Variants in RASAL2 observed in about 807,000 individuals in gnomAD.
RASAL2 encodes the protein RAS protein activator like 2, also known as ras GTPase-activating protein nGAP.
A neutral mutation model predicts 128.9 loss-of-function variants in RASAL2; 58 were observed. The ratio of observed to expected loss-of-function variants is 0.45; its 90% CI spans 0.36 to 0.56. RASAL2 has a LOEUF of 0.56. RASAL2 is among the 20% of genes least tolerant of loss of function. The pLI is 0.00. For synonymous variants in RASAL2, 561 were observed against 580.8 expected, an observed-to-expected ratio of 0.97 and a Z score of 0.49; for missense variants, 1,360 against 1,601.6, an observed-to-expected ratio of 0.85 and a Z score of 2.57.
At chr1:178,221,123 G>A (rs1173910135) in intron 1 of RASAL2, among the ~76,000 whole-genome samples, 1 of 152,140 alleles carries the variant, frequency 6.6e-6, no homozygotes, top group Non-Finnish European at 1.5e-5. Context: ...ATTTTAATAG[G>A]TTTGTAATGA....
chr1:178,158,099 G>T (rs997476485), intron 1 of RASAL2, among the ~76,000 whole-genome samples: 1 of 152,174 alleles, frequency 6.6e-6, no homozygotes, highest in Admixed American at 6.5e-5. Flanking sequence ...ACCAGGTTAG[G>T]TAGGCAGGTA....
chr1:178,288,276 A>G (rs549435175), intron 2 of RASAL2, among the ~76,000 whole-genome samples: 11 of 152,324 alleles, frequency 7.2e-5, no homozygotes, highest in African/African-American at 2.4e-4. Context: ...AATAATTTCT[A>G]AGAAGATGTT....
intron 3 of RASAL2, among the ~76,000 whole-genome samples, chr1:178,340,678 A>G (rs1359932143): frequency 1.3e-5 from 2 of 152,162 alleles, no homozygotes; most frequent in Non-Finnish European, 2.9e-5. Context: ...TTATCTGTCA[A>G]TAAGTTAAAA....
intron 2 of RASAL2, among the ~76,000 whole-genome samples, chr1:178,294,533 C>T (rs1328683610): frequency 2.0e-5 from 3 of 152,196 alleles, no homozygotes; most frequent in African/African-American, 7.2e-5. Context: ...CCAGCTATGA[C>T]AGAATGACTG....
intron 3 of RASAL2, among the ~76,000 whole-genome samples, chr1:178,343,202 G>A (rs909686275): frequency 2.0e-5 from 3 of 152,178 alleles, no homozygotes; most frequent in South Asian, 2.1e-4. Flanking sequence ...GTCTGTGTAA[G>A]TGTAGTACTG....
At chr1:178,304,790 A>C (rs529744401) in intron 3 of RASAL2, among the ~76,000 whole-genome samples, 1 of 152,216 alleles carries the variant, frequency 6.6e-6, no homozygotes, top group Non-Finnish European at 1.5e-5. Flanking sequence ...TAGTACTGGA[A>C]GTCCTAGCTA....
intron 1 of RASAL2, among the ~76,000 whole-genome samples, chr1:178,136,756 C>CAAAAAAAAAAAAAAAA (rs397982072): frequency 2.1e-5 from 1 of 47,200 alleles, no homozygotes; most frequent in African/African-American, 1.0e-4. Flanking sequence ...GACTCTGTCT[C>CAAAAAAAAAAAAAAAA]AAAAAAAAAA....
chr1:178,444,588 C>T (rs1676874623), intron 8 of RASAL2, among the ~76,000 whole-genome samples: 1 of 152,168 alleles, frequency 6.6e-6, no homozygotes. Context: ...GAACAACCAA[C>T]ATTGAGCTTT....
chr1:178,461,070 T>C (rs1288328634), intron 14 of RASAL2, among the ~76,000 whole-genome samples: 5 of 152,164 alleles, frequency 3.3e-5, no homozygotes, highest in Non-Finnish European at 7.4e-5. Context: ...TGCCTCGGCC[T>C]CCCAAAGTGC....
intron 1 of RASAL2, among the ~76,000 whole-genome samples, chr1:178,179,845 G>A (rs1368430188): frequency 6.6e-6 from 1 of 152,100 alleles, no homozygotes; most frequent in Non-Finnish European, 1.5e-5. Context: ...GCTCAACAAA[G>A]TAGCTAATCT....
chr1:178,447,735 G>C (rs1229272988), intron 9 of RASAL2, among the ~76,000 whole-genome samples: 1 of 138,122 alleles, frequency 7.2e-6, no homozygotes, highest in Non-Finnish European at 1.5e-5. Context: ...GACTCTGAAT[G>C]ACTGTAATCA....
intron 1 of RASAL2, among the ~76,000 whole-genome samples, chr1:178,265,281 CAG>C (rs1339990918): frequency 2.6e-5 from 4 of 152,076 alleles, no homozygotes; most frequent in African/African-American, 4.8e-5. Flanking sequence ...TTTGTTGAGA[CAG>C]AGTCTTCCTC....
chr1:178,467,599 C>G (rs1647862171), intron 17 of RASAL2, among the ~76,000 whole-genome samples, 178 bp downstream of exon 17: 2 of 152,196 alleles, frequency 1.3e-5, no homozygotes, highest in African/African-American at 4.8e-5. Flanking sequence ...TCCTTTCTTT[C>G]ACTGGTGAGA....
chr1:178,419,220 GT>G (rs1211323395), intron 4 of RASAL2, among the ~76,000 whole-genome samples: 1 of 152,108 alleles, frequency 6.6e-6, no homozygotes, highest in Non-Finnish European at 1.5e-5. Context: ...CATTCTCCAT[GT>G]GTCAAAATAT....
chr1:178,341,464 T>C, intron 3 of RASAL2: 3 of 1,517,734 alleles, frequency 2.0e-6, no homozygotes, highest in Non-Finnish European at 1.8e-6. Context: ...CCAAACTGTC[T>C]GAGGCACGAA....
intron 1 of RASAL2, among the ~76,000 whole-genome samples, chr1:178,223,486 T>C (rs1359717515): frequency 6.6e-6 from 1 of 151,974 alleles, no homozygotes; most frequent in East Asian, 1.9e-4. Flanking sequence ...GAGTGACAGG[T>C]GTGAAGAACT....
chr1:178,306,574 T>C (rs1477766747), intron 3 of RASAL2, among the ~76,000 whole-genome samples: 1 of 151,854 alleles, frequency 6.6e-6, no homozygotes, highest in Non-Finnish European at 1.5e-5. Flanking sequence ...TTCCTGACTT[T>C]TTAATGATTG....
At chr1:178,223,990 C>T (rs192791647) in intron 1 of RASAL2, among the ~76,000 whole-genome samples, 1 of 152,020 alleles carries the variant, frequency 6.6e-6, no homozygotes, top group Non-Finnish European at 1.5e-5. Flanking sequence ...CTTGAGATAG[C>T]TATTAAGTGT....
At chr1:178,250,473 C>G (rs1345175501) in intron 1 of RASAL2, among the ~76,000 whole-genome samples, 1 of 152,238 alleles carries the variant, frequency 6.6e-6, no homozygotes. Flanking sequence ...GTCCTGGCAG[C>G]AAGAATTTCA....
Sources: allele counts gnomAD v4.1 joint callset (sites outside exome capture counted in the v4.1 genomes callset), GRCh38; gene constraint gnomAD v4.1.1; transcripts MANE v1.5; gene names NCBI Gene and HGNC (gene_info 2026-07-23, HGNC 2026-07-21).